The following ARHGEF10 variants were observed in gnomAD, a reference collection of about 807,000 sequenced individuals.
The protein encoded by ARHGEF10 is Rho guanine nucleotide exchange factor (GEF) 10.
Under a neutral mutation model 147.4 loss-of-function variants are expected in ARHGEF10, and 140 were observed. That is an observed-to-expected ratio of 0.95 (90% CI 0.83 to 1.09). The LOEUF (loss-of-function observed/expected upper bound fraction) is 1.09, where lower values mean the gene tolerates loss of function less well. ARHGEF10 is among the 50% of genes least tolerant of loss of function. The pLI, the probability that ARHGEF10 is intolerant of heterozygous loss-of-function variation, is 0.00. For missense variants in ARHGEF10, 2,222 were observed against 1,752.7 expected (o/e 1.27, Z -4.78); for synonymous variants, 902 against 695.8 (o/e 1.30, Z -4.67).
chr8:1,927,974 C>G (rs147065509), intron 23 of ARHGEF10, among the ~76,000 whole-genome samples: 282 of 152,198 alleles, frequency 1.9e-3, no homozygotes, highest in African/African-American at 6.4e-3. Context: ...CCACAGCATA[C>G]CACATGTTGA....
rs1052717544 is a variant in ARHGEF10 at position 1,911,459 on chromosome 8, C to T, written c.2143+1989C>T. On this transcript the variant is annotated intron_variant, in intron 18 of 28. Transcript: ENST00000349830. ...TAGATTAAAAAAGAAACTTTTAAAACAAATTATTTAAAATGTGCTAATTCT... is the reference window on the plus strand; with the variant it reads ...TAGATTAAAAAAGAAACTTTTAAAATAAATTATTTAAAATGTGCTAATTCT... 3.2e-4 allele frequency among the ~76,000 whole-genome samples: 49 copies of T among 152,276 alleles called. 1 individual carries two copies. Among genetic ancestry groups the T allele is most frequent in the African/African-American group, 1.1e-3 (47 of 41,566 alleles).
intron 8 of ARHGEF10, among the ~76,000 whole-genome samples, chr8:1,878,008 G>A (rs1279179007): frequency 2.0e-5 from 3 of 152,032 alleles, no homozygotes. Flanking sequence ...ATTATGGGCT[G>A]CCTACAATTC....
chr8:1,890,709 G>A (rs985865260), intron 11 of ARHGEF10, among the ~76,000 whole-genome samples: 14 of 134,836 alleles, frequency 1.0e-4, no homozygotes, highest in Admixed American at 8.3e-4. Context: ...CACGGGGTCC[G>A]TGGGGTGTCA....
Position 1,894,476 on chromosome 8 carries a change from G to T in ARHGEF10, c.1344G>T (p.Glu448Asp). Residue 448 changes from glutamate to aspartate, a missense_variant, in exon 13 of 29, where the codon GAG becomes GAT. Transcript: ENST00000349830. The part of the protein sequence containing the change: ...KLKTVFYRVK[E>D]ILQCHSLFQI... ...AGACGGTGTTCTACCGAGTCAAAGAGATCCTGCAGTGCCACTCGCTATTTC... is the reference window on the plus strand; with the variant it reads ...AGACGGTGTTCTACCGAGTCAAAGATATCCTGCAGTGCCACTCGCTATTTC... 1.9e-6 allele frequency: 3 copies of T among 1,614,208 alleles called. No homozygotes were observed. The highest frequency in any genetic ancestry group is 1.1e-5 in the South Asian group (1 of 91,086).
At chr8:1,909,834 C>G (rs1241223844) in intron 18 of ARHGEF10, among the ~76,000 whole-genome samples, 1 of 152,120 alleles carries the variant, frequency 6.6e-6, no homozygotes, top group African/African-American at 2.4e-5. Context: ...TGCAGGAAGT[C>G]ATAGAGCTTG....
chr8:1,957,025 C>G lies in ARHGEF10; in HGVS notation c.3797C>G (p.Ser1266Cys), dbSNP rs748190585. 1.9e-6 allele frequency: 3 copies of G among 1,614,020 alleles called. No homozygotes were observed. The highest frequency in any genetic ancestry group is 1.7e-5 in the Admixed American group (1 of 60,030). The part of the protein sequence containing the change: ...LSSSSGSLSL[S>C]HGSSSLEHRS... ...TCCTCATCTGGGTCCCTGAGCTTGT[C>G]TCACGGCTCCAGCTCTCTAGAGCAC... The change falls in exon 29 of 29, where the codon TCT (serine) becomes TGT (cysteine). Residue 1266 changes from serine to cysteine, a missense_variant. Transcript: ENST00000349830.
At chr8:1,890,152 GGAGACACTGAGTGGGGTGAGGGT>G (rs1563240793) in intron 11 of ARHGEF10, among the ~76,000 whole-genome samples, 1 of 42,886 alleles carries the variant, frequency 2.3e-5, no homozygotes, top group African/African-American at 8.8e-5. Flanking sequence ...GGGTTTGTGA[GGAGACACTGAGTGGGGTGAGGGT>G]TTGTGAGGAG....
intron 17 of ARHGEF10, 115 bp downstream of exon 17, chr8:1,905,831 C>G: frequency 1.5e-6 from 2 of 1,346,958 alleles, no homozygotes; most frequent in Non-Finnish European, 2.1e-6. Flanking sequence ...TTTTTTGTGC[C>G]AAAGCTCTGT....
At chr8:1,823,501 T>C (rs1476775041), upstream of ARHGEF10, among the ~76,000 whole-genome samples, 1 of 149,282 alleles carries the variant, frequency 6.7e-6, no homozygotes, top group Non-Finnish European at 1.5e-5. Context: ...GCTCAGCCCG[T>C]GGGGGTCCGC....
At chr8:1,858,289 C>T (rs1170856027) in intron 3 of ARHGEF10, among the ~76,000 whole-genome samples, 174 bp downstream of exon 3, 6 of 151,416 alleles carry the variant, frequency 4.0e-5, no homozygotes, top group African/African-American at 7.3e-5. Flanking sequence ...CGCAGATCAC[C>T]GGCATCAGGG....
At chr8:1,882,399 C>T (rs1808277943) in intron 9 of ARHGEF10, among the ~76,000 whole-genome samples, 2 of 152,148 alleles carry the variant, frequency 1.3e-5, no homozygotes, top group Admixed American at 6.5e-5. Flanking sequence ...ACATATAATA[C>T]CATAAATGGG....
intron 1 of ARHGEF10, among the ~76,000 whole-genome samples, chr8:1,839,275 G>A (rs1191508453): frequency 1.3e-5 from 2 of 150,040 alleles, no homozygotes; most frequent in Non-Finnish European, 3.0e-5. Flanking sequence ...TGTCTGGTGT[G>A]GAAGCTGTCT....
intron 26 of ARHGEF10, chr8:1,943,599 A>G (rs550453731): frequency 5.3e-5 from 8 of 152,378 alleles, no homozygotes; most frequent in Middle Eastern, 3.4e-3. Context: ...GCTTCAGTTC[A>G]TAAAAACACT....
chr8:1,824,816 G>A (rs1407441445), intron 1 of ARHGEF10, among the ~76,000 whole-genome samples: 30 of 10,458 alleles, frequency 2.9e-3, no homozygotes, highest in African/African-American at 0.017. Context: ...TGTTCCCCCT[G>A]CACCCCACCT....
At chr8:1,955,705 C>A (rs1007933927) in intron 28 of ARHGEF10, among the ~76,000 whole-genome samples, 8 of 152,272 alleles carry the variant, frequency 5.3e-5, no homozygotes, top group Non-Finnish European at 1.0e-4. Context: ...CGTGCACTCA[C>A]TGTGTTTCTT....
Position 1,903,354 on chromosome 8 carries a change from C to A in ARHGEF10, c.1724C>A (p.Thr575Lys), listed in dbSNP as rs758613933. 1.2e-6 allele frequency: 2 copies of A among 1,614,052 alleles called. No individual in the cohort carries two copies. Among genetic ancestry groups the A allele is most frequent in the African/African-American group, 2.7e-5 (2 of 74,926 alleles). Residue 575 changes from threonine (T) to lysine (K), a missense_variant, in exon 16 of 29, where the codon ACA (threonine) becomes AAA (lysine). Thr to Lys is a moderately conservative substitution (Grantham distance 78). Coordinates refer to ENST00000349830, the MANE Select transcript of ARHGEF10 (RefSeq NM_014629.4). The part of the protein sequence containing the change: ...PLQMALTELE[T>K]LAEKLNERKR... ...CAGATGGCCCTGACAGAGCTCGAAA[C>A]ACTAGCAGAGAAGTTAAATGAAAGA... is the stretch of plus-strand genomic sequence containing the variant.
In ARHGEF10 at chr8:1,928,521, G is replaced by C; in HGVS notation, c.2792G>C (p.Arg931Pro). The C allele has an allele frequency of 1.2e-6, 2 of 1,614,170 alleles. No individual in the cohort carries two copies. The highest frequency in any genetic ancestry group is 1.7e-6 in the Non-Finnish European group (2 of 1,180,038). The change falls in exon 24 of 29, where the codon CGC becomes CCC. Residue 931 changes from arginine (R) to proline (P), a missense_variant. Physicochemically the swap from Arg to Pro is moderately radical, Grantham distance 103. Transcript: ENST00000349830. ...ATTGAGTGCTTCAACGTGGAATCTCGCATCCTGTGCATGCTGTACGTTCCC... is the reference window on the plus strand; with the variant it reads ...ATTGAGTGCTTCAACGTGGAATCTCCCATCCTGTGCATGCTGTACGTTCCC... ...KVIECFNVES[R>P]ILCMLYVPVE... is the part of the protein sequence containing the mutation.
At chr8:1,830,448 A>T (rs1266174966) in intron 1 of ARHGEF10, among the ~76,000 whole-genome samples, 1 of 152,142 alleles carries the variant, frequency 6.6e-6, no homozygotes, top group Non-Finnish European at 1.5e-5. Flanking sequence ...TTTTGTGCTT[A>T]TGTGTTTTTT....
chr8:1,866,509 G>GA lies in ARHGEF10; in HGVS notation c.546-17_546-16insA. 1 of 1,612,086 alleles carries GA rather than the reference G, an allele frequency of 6.2e-7. No individual in the cohort carries two copies. The highest frequency in any genetic ancestry group is 1.1e-5 in the South Asian group (1 of 91,058). On this transcript the variant is annotated splice_polypyrimidine_tract_variant and intron_variant, in intron 5 of 28. Coordinates refer to ENST00000349830, the MANE Select transcript of ARHGEF10 (RefSeq NM_014629.4). ...CTGTGCCTGGATATTCTGACTTTAT[G>GA]GTTTGTTTTCTTTAAGTGAAGATCA...
Sources: allele counts gnomAD v4.1 joint callset (sites outside exome capture counted in the v4.1 genomes callset), GRCh38; gene constraint gnomAD v4.1.1; transcripts MANE v1.5; gene names NCBI Gene and HGNC (gene_info 2026-07-23, HGNC 2026-07-21).